DENND3: variants seen among roughly 807,000 people sequenced by gnomAD.
The protein encoded by DENND3 is DENN domain-containing protein 3.
Under a neutral mutation model 135.1 loss-of-function variants are expected in DENND3, and 88 were observed. That is an observed-to-expected ratio of 0.65 (90% CI 0.55 to 0.78). The LOEUF is 0.78. Ranked by LOEUF, DENND3 falls within the 30% of genes least tolerant of loss-of-function variation. The probability of loss-of-function intolerance (pLI) is 0.00; values close to 1 mark genes in which losing one functional copy is unlikely to be tolerated. For synonymous variants in DENND3, 693 were observed against 712.3 expected, an observed-to-expected ratio of 0.97 and a Z score of 0.43; for missense variants, 1,392 against 1,688.4, an observed-to-expected ratio of 0.82 and a Z score of 3.08.
chr8:141,128,628 C>A lies in DENND3; in HGVS notation c.-80C>A. 1.1e-6 allele frequency: 1 copy of A among 884,434 alleles called. No homozygotes were observed. Among genetic ancestry groups the A allele is most frequent in the Non-Finnish European group, 1.4e-6 (1 of 690,044 alleles). 54.8% of individuals were successfully genotyped at this position (884,434 alleles called of 1,614,324 possible). ...CAGCGCCCCCGGCCCCCAGGCGGCG[C>A]GGCTGGTCCCCAGGGGTCTGCGGGC... On this transcript the variant is annotated 5_prime_UTR_variant, in exon 1 of 23. Coordinates refer to ENST00000519811, the MANE Select transcript of DENND3 (RefSeq NM_001352890.3). The surrounding 1 kb of genome is among the most constrained non-coding windows in gnomAD (Gnocchi z 4.5).
At position 141,174,529 on chromosome 8, in the gene DENND3, G is replaced by T. The variant is rs1031918165; in HGVS notation, c.2276-671G>T. Among the ~76,000 whole-genome samples the T allele has an allele frequency of 1.3e-5, 2 of 152,126 alleles. No individual in the cohort carries two copies. The highest frequency in any genetic ancestry group is 3.9e-4 in the East Asian group (2 of 5,190). On this transcript the variant is annotated intron_variant, in intron 13 of 22. Transcript: ENST00000519811. This position sits in a 1 kb window ranked among gnomAD's most constrained non-coding sequence, Gnocchi z 4.6. Reference sequence around the variant, plus strand: ...GCTGACAGATAAGCAGGTTCGTTCCGCGACTTGCCAGGAGTCTCTGTGAAA... The same window carrying T: ...GCTGACAGATAAGCAGGTTCGTTCCTCGACTTGCCAGGAGTCTCTGTGAAA...
Position 141,137,590 on chromosome 8 carries a change from G to T in DENND3, c.386-432G>T, listed in dbSNP as rs532067687. ...CTGCACTTAGTCCCCAGGCTCGCCA[G>T]TTCCAGTTAACAGGTGAGCTTGCAT... is the stretch of plus-strand genomic sequence containing the variant. On this transcript the variant is annotated intron_variant, in intron 2 of 22. Coordinates refer to ENST00000519811, the MANE Select transcript of DENND3 (RefSeq NM_001352890.3). This position sits in a 1 kb window ranked among gnomAD's most constrained non-coding sequence, Gnocchi z 4.1. Among the ~76,000 whole-genome samples the T allele has an allele frequency of 1.3e-5, 2 of 152,342 alleles. No homozygotes were observed. Among genetic ancestry groups the T allele is most frequent in the East Asian group, 3.9e-4 (2 of 5,190 alleles).
At chr8:141,135,435 A>G (rs1375716333) in intron 1 of DENND3, among the ~76,000 whole-genome samples, 3 of 152,202 alleles carry the variant, frequency 2.0e-5, no homozygotes, top group Non-Finnish European at 4.4e-5. Context: ...CACAGGCGTG[A>G]GCCACTGCAC....
Position 141,138,408 on chromosome 8 carries a change from T to TG in DENND3, c.501+273dup, listed in dbSNP as rs1569555087. On this transcript the variant is annotated intron_variant, in intron 3 of 22. Coordinates refer to ENST00000519811, the MANE Select transcript of DENND3 (RefSeq NM_001352890.3). This position sits in a 1 kb window ranked among gnomAD's most constrained non-coding sequence, Gnocchi z 4.8. ...TGCTTGCTTTTTTTTTTTATTGAGA[T>TG]GGAGTCTTGCTCTGTCATCCAGGCT... 6.6e-6 allele frequency among the ~76,000 whole-genome samples: 1 copy of TG among 151,732 alleles called. No individual in the cohort carries two copies. Among genetic ancestry groups the TG allele is most frequent in the East Asian group, 1.9e-4 (1 of 5,176 alleles).
intron 8 of DENND3, chr8:141,157,422 A>T: frequency 1.0e-6 from 1 of 985,362 alleles, no homozygotes; most frequent in Non-Finnish European, 1.2e-6. Flanking sequence ...AGGAGGAGAG[A>T]TCCTGCTCTT....
rs754783249 is a variant in DENND3, at chr8:141,160,719, G to A, written c.1284G>A (p.Arg428=). 1.7e-5 allele frequency: 28 copies of A among 1,613,108 alleles called. No individual in the cohort carries two copies. Among genetic ancestry groups the A allele is most frequent in the Non-Finnish European group, 2.4e-5 (28 of 1,179,896 alleles). ...TGAAGGAGGGCCGAGCCCACCGGCG[G>A]TCCTGGCAGCAGAAACTCAACTGCC... ...TDLKEGRAHR[R]SWQQKLNCQI... Residue 428 remains arginine (R), a synonymous_variant, in exon 9 of 23, where the codon CGG becomes CGA. Coordinates refer to ENST00000519811, the MANE Select transcript of DENND3 (RefSeq NM_001352890.3).
At chr8:141,153,871 G>A (rs1819117252) in intron 7 of DENND3, among the ~76,000 whole-genome samples, 1 of 152,212 alleles carries the variant, frequency 6.6e-6, no homozygotes, top group South Asian at 2.1e-4. Context: ...CAGCAGTGGG[G>A]GACACCTTTG....
At chr8:141,143,054 G>C (rs573059563) in intron 4 of DENND3, 1 of 152,484 alleles carries the variant, frequency 6.6e-6, no homozygotes, top group East Asian at 1.9e-4. Context: ...CCATTGCTGT[G>C]TGATCAGAAC....
intron 20 of DENND3, chr8:141,191,249 T>C (rs1365148770): frequency 1.3e-5 from 2 of 152,274 alleles, no homozygotes; most frequent in African/African-American, 2.4e-5. Flanking sequence ...AATTTGGTTT[T>C]TACAGAACTT....
intron 17 of DENND3, among the ~76,000 whole-genome samples, chr8:141,181,159 G>A (rs922908183): frequency 3.3e-5 from 5 of 152,166 alleles, no homozygotes; most frequent in Admixed American, 1.3e-4. Flanking sequence ...CGACGGTCAC[G>A]CTAGCTCTTT....
rs184374131 is a variant in DENND3 at position 141,139,766 on chromosome 8, C to T, written c.502-1437C>T. ...TGAGTACAGCAGATGCCACTGTTCC[C>T]AGTGTGCCGGCCTGGCGTGGGCATG... On this transcript the variant is annotated intron_variant, in intron 3 of 22. Coordinates refer to ENST00000519811, the MANE Select transcript of DENND3 (RefSeq NM_001352890.3). This position sits in a 1 kb window ranked among gnomAD's most constrained non-coding sequence, Gnocchi z 4.2. Among the ~76,000 whole-genome samples the T allele has an allele frequency of 1.3e-5, 2 of 152,348 alleles. No individual in the cohort carries two copies. The highest frequency in any genetic ancestry group is 4.8e-5 in the African/African-American group (2 of 41,582).
chr8:141,133,517 T>C (rs1816406685), intron 1 of DENND3, among the ~76,000 whole-genome samples: 1 of 152,138 alleles, frequency 6.6e-6, no homozygotes, highest in Non-Finnish European at 1.5e-5. Flanking sequence ...AGCCCTGGGC[T>C]GGGTGGGAGG....
intron 14 of DENND3, chr8:141,176,182 T>C (rs1243602062): frequency 5.3e-6 from 1 of 187,286 alleles, no homozygotes; most frequent in Admixed American, 5.8e-5. Flanking sequence ...CTTCAGTTTA[T>C]GCTTTTTTCC....
At position 141,147,557 on chromosome 8, in the gene DENND3, G is replaced by A. The variant is rs145842239; in HGVS notation, c.736-3277G>A. 2.2e-3 allele frequency among the ~76,000 whole-genome samples: 328 copies of A among 152,336 alleles called. 6 individuals carry two copies. Among genetic ancestry groups the A allele is most frequent in the Non-Finnish European group, 7.8e-4 (53 of 68,042 alleles). On this transcript the variant is annotated intron_variant, in intron 5 of 22. Coordinates refer to ENST00000519811, the MANE Select transcript of DENND3 (RefSeq NM_001352890.3). ...TTCCTCCATTTTCTTGTGGCCAGCT[G>A]TGGCTCATCTCTGGTCACTCTCAGC...
Position 141,182,441 on chromosome 8 carries a change from A to ATAAC in DENND3, c.2944+1588_2944+1589insAACT, listed in dbSNP as rs1823266670. 1 of 985,344 alleles carries ATAAC rather than the reference A, an allele frequency of 1.0e-6. No individual in the cohort carries two copies. The highest frequency in any genetic ancestry group is 1.2e-6 in the Non-Finnish European group (1 of 829,940). 61.0% of individuals were successfully genotyped at this position (985,344 alleles called of 1,614,324 possible). On this transcript the variant is annotated intron_variant, in intron 17 of 22. Coordinates refer to ENST00000519811, the MANE Select transcript of DENND3 (RefSeq NM_001352890.3). The surrounding 1 kb of genome is among the most constrained non-coding windows in gnomAD (Gnocchi z 5.9). ...AGGCTCTGTGCTGACTTCGCCAGAGATGACTCCACAGACCAAGATACTTTG... is the reference window on the plus strand; with the variant it reads ...AGGCTCTGTGCTGACTTCGCCAGAGATAACTGACTCCACAGACCAAGATACTTTG...
rs1262848474 is a variant in DENND3 at position 141,189,078 on chromosome 8, C to T, written c.3177C>T (p.Asn1059=). The T allele has an allele frequency of 2.5e-6, 4 of 1,614,096 alleles. No individual in the cohort carries two copies. The highest frequency in any genetic ancestry group is 2.7e-5 in the African/African-American group (2 of 74,954). Residue 1059 remains asparagine (N), a synonymous_variant, in exon 19 of 23, where the codon AAC becomes AAT. Coordinates refer to ENST00000519811, the MANE Select transcript of DENND3 (RefSeq NM_001352890.3). ...YIINVHSMSC[N]KQLTAHCSSV... ...TCAACGTCCACAGCATGTCCTGCAA[C>T]AAGCAGCTCACAGCCCACTGCTCCA...
In DENND3 at chr8:141,190,264, T is replaced by C. The variant is rs1467968595; in HGVS notation, c.3246-20T>C. On this transcript the variant is annotated intron_variant, in intron 19 of 22. Coordinates refer to ENST00000519811, the MANE Select transcript of DENND3 (RefSeq NM_001352890.3). ...CAGGGGCCCAAGTTAAAGGTGTGTGTGTGTGTTTTGTGCCCCCAGCAACGT... is the reference window on the plus strand; with the variant it reads ...CAGGGGCCCAAGTTAAAGGTGTGTGCGTGTGTTTTGTGCCCCCAGCAACGT... The C allele has an allele frequency of 1.9e-6, 3 of 1,571,132 alleles. No individual in the cohort carries two copies. Among genetic ancestry groups the C allele is most frequent in the Non-Finnish European group, 8.6e-7 (1 of 1,156,468 alleles).
intron 8 of DENND3, among the ~76,000 whole-genome samples, chr8:141,158,836 G>C (rs558552163): frequency 6.6e-6 from 1 of 152,304 alleles, no homozygotes; most frequent in Admixed American, 6.5e-5. Flanking sequence ...GGCTATGCTG[G>C]CTGCGTGCTT....
At chr8:141,145,837 A>ATTTTTTTTTT (rs1818029013) in intron 5 of DENND3, among the ~76,000 whole-genome samples, 1 of 28,884 alleles carries the variant, frequency 3.5e-5, no homozygotes. Context: ...ATATATATAT[A>ATTTTTTTTTT]TATATATATA....
Sources: allele counts gnomAD v4.1 joint callset (sites outside exome capture counted in the v4.1 genomes callset), GRCh38; gene constraint gnomAD v4.1.1; non-coding constraint Gnocchi (gnomAD v3.1); transcripts MANE v1.5; gene names NCBI Gene and HGNC (gene_info 2026-07-23, HGNC 2026-07-21).